CHODL: variants seen among roughly 807,000 people sequenced by gnomAD.
The protein encoded by CHODL is transmembrane protein MT75.
Under a neutral mutation model 34.5 loss-of-function variants are expected in CHODL, and 29 were observed. The ratio of observed to expected loss-of-function variants is 0.84; its 90% confidence interval spans 0.63 to 1.15. The LOEUF (loss-of-function observed/expected upper bound fraction) is 1.15, where lower values mean the gene tolerates loss of function less well. Among genes scored for constraint, CHODL ranks in the 50% most tolerant of loss-of-function variants. The probability of loss-of-function intolerance (pLI) is 0.00; values close to 1 mark genes in which losing one functional copy is unlikely to be tolerated. For synonymous variants in CHODL, 125 were observed against 116.1 expected, an observed-to-expected ratio of 1.08 and a Z score of -0.49; for missense variants, 332 against 332.5, an observed-to-expected ratio of 1.00 and a Z score of 0.01.
In CHODL at chr21:18,247,320, C is replaced by T. The variant is rs368627327; in HGVS notation, c.79+2018C>T. Among the ~76,000 whole-genome samples the T allele has an allele frequency of 2.6e-3, 393 of 152,088 alleles. 3 individuals carry two copies. The Middle Eastern group carries it at 0.034, about 13-fold the overall frequency. On this transcript the variant is annotated intron_variant, in intron 1 of 5. Coordinates refer to ENST00000299295, the MANE Select transcript of CHODL (RefSeq NM_024944.3). ...GCTGTTATTAGGAACATACTTGCAA[C>T]GTATGGAATATATTTCTATTTGTTA...
intron 1 of CHODL, among the ~76,000 whole-genome samples, chr21:18,255,244 T>C (rs1227084340): frequency 6.6e-6 from 1 of 152,076 alleles, no homozygotes; most frequent in African/African-American, 2.4e-5. Context: ...TGAAGAAATA[T>C]GTAATAAAAC....
At chr21:18,190,103 A>G (rs1024549105) in intron 2 of CHODL, among the ~76,000 whole-genome samples, 1 of 152,048 alleles carries the variant, frequency 6.6e-6, no homozygotes, top group African/African-American at 2.4e-5. Flanking sequence ...TATAATTGGC[A>G]TTTTTCTCAT....
intron 2 of CHODL, among the ~76,000 whole-genome samples, chr21:18,226,173 A>G (rs1229997323): frequency 6.6e-6 from 1 of 152,186 alleles, no homozygotes; most frequent in Non-Finnish European, 1.5e-5. Context: ...ACTGAAGTGT[A>G]TAATTTTCAC....
intron 1 of CHODL, among the ~76,000 whole-genome samples, chr21:17,939,930 T>C (rs1378143626): frequency 6.6e-6 from 1 of 152,210 alleles, no homozygotes. Context: ...GGGTGTACAT[T>C]GATGCAACCA....
chr21:17,982,395 C>T (rs2063720854), intron 1 of CHODL, among the ~76,000 whole-genome samples: 1 of 151,986 alleles, frequency 6.6e-6, no homozygotes, highest in African/African-American at 2.4e-5. Flanking sequence ...ATAAATAAAA[C>T]AAAAAGGTTT....
chr21:18,236,536 G>T (rs980748785), intron 2 of CHODL, among the ~76,000 whole-genome samples: 4 of 151,986 alleles, frequency 2.6e-5, no homozygotes, highest in East Asian at 1.9e-4. Context: ...TATCTCTAAG[G>T]TTTCTTTGGA....
intron 1 of CHODL, among the ~76,000 whole-genome samples, chr21:18,009,516 T>C (rs571615791): frequency 6.6e-6 from 1 of 152,224 alleles, no homozygotes; most frequent in South Asian, 2.1e-4. Context: ...AAGCATAAAA[T>C]GAGGATAATG....
At chr21:18,196,234 T>G (rs1400622466) in intron 2 of CHODL, among the ~76,000 whole-genome samples, 1 of 152,220 alleles carries the variant, frequency 6.6e-6, no homozygotes, top group Non-Finnish European at 1.5e-5. Flanking sequence ...GCCTGAGATA[T>G]TCTAATAAGC....
At chr21:18,200,074 A>G (rs1430078521) in intron 2 of CHODL, among the ~76,000 whole-genome samples, 1 of 152,184 alleles carries the variant, frequency 6.6e-6, no homozygotes, top group Non-Finnish European at 1.5e-5. Context: ...CCCATCAGCA[A>G]TGAATGATAG....
chr21:18,034,371 G>A lies in CHODL; in HGVS notation c.-45+6400G>A, dbSNP rs372276742. 3.9e-5 allele frequency: 6 copies of A among 152,064 alleles called. 1 individual carries two copies. Among genetic ancestry groups the A allele is most frequent in the Admixed American group, 1.3e-4 (2 of 15,250 alleles). The allele number at this position is 152,064 out of a possible 1,614,324, so 9.4% of individuals were successfully genotyped here. On this transcript the variant is annotated intron_variant, in intron 2 of 6. Transcript: ENST00000400127. Reference sequence around the variant, plus strand: ...AAAGACAAAGTGTGGTGCAAGTGTAGCCCTTCCAGGTCACCACCACCTGTC... The same window carrying A: ...AAAGACAAAGTGTGGTGCAAGTGTAACCCTTCCAGGTCACCACCACCTGTC...
chr21:18,127,177 A>G (rs1185021597), intron 2 of CHODL, among the ~76,000 whole-genome samples: 1 of 144,982 alleles, frequency 6.9e-6, no homozygotes, highest in African/African-American at 2.4e-5. Context: ...GATGATGGAT[A>G]TATGTTTTTT....
At chr21:17,937,188 G>A (rs1428887513) in intron 1 of CHODL, among the ~76,000 whole-genome samples, 1 of 152,100 alleles carries the variant, frequency 6.6e-6, no homozygotes, top group Non-Finnish European at 1.5e-5. Context: ...TGATCCCAGA[G>A]CATCAGTTTT....
intron 2 of CHODL, among the ~76,000 whole-genome samples, chr21:18,120,113 C>T (rs114349608): frequency 5.3e-4 from 80 of 152,098 alleles, no homozygotes; most frequent in African/African-American, 1.6e-3. Flanking sequence ...GAGCAAGGGG[C>T]TAAAGATATA....
intron 2 of CHODL, among the ~76,000 whole-genome samples, chr21:18,058,207 A>G (rs776597499): frequency 6.6e-6 from 1 of 152,134 alleles, no homozygotes; most frequent in Non-Finnish European, 1.5e-5. Flanking sequence ...AATAACAAAT[A>G]CTGGTGATGA....
intron 2 of CHODL, among the ~76,000 whole-genome samples, chr21:18,079,849 A>G (rs1338340425): frequency 1.4e-5 from 1 of 74,012 alleles, no homozygotes; most frequent in Non-Finnish European, 5.0e-5. Flanking sequence ...ATAATCCTAC[A>G]CAGTAGTGGG....
chr21:18,119,828 T>G (rs205667), intron 2 of CHODL, among the ~76,000 whole-genome samples: 93,718 of 152,012 alleles, frequency 0.62, 30,105 homozygotes, highest in East Asian at 0.85. Flanking sequence ...CTCTGATTTT[T>G]GTGTCATAAA....
chr21:17,935,359 G>A (rs2146324554), intron 1 of CHODL, among the ~76,000 whole-genome samples: 1 of 152,294 alleles, frequency 6.6e-6, no homozygotes, highest in South Asian at 2.1e-4. Context: ...TTGGTAAGTG[G>A]TAGAGCCATG....
At chr21:18,004,000 C>T (rs1003575785) in intron 1 of CHODL, among the ~76,000 whole-genome samples, 1 of 152,154 alleles carries the variant, frequency 6.6e-6, no homozygotes, top group East Asian at 1.9e-4. Context: ...AAGGGTCATT[C>T]GTCTTTCAAG....
At chr21:18,083,442 T>C (rs2064966224) in intron 2 of CHODL, among the ~76,000 whole-genome samples, 1 of 152,154 alleles carries the variant, frequency 6.6e-6, no homozygotes, top group South Asian at 2.1e-4. Flanking sequence ...CTAGTGGAGC[T>C]GTGAGAAGAG....
Sources: allele counts gnomAD v4.1 joint callset (sites outside exome capture counted in the v4.1 genomes callset), GRCh38; gene constraint gnomAD v4.1.1; transcripts MANE v1.5; gene names NCBI Gene and HGNC (gene_info 2026-07-23, HGNC 2026-07-21).